Variants in COL27A1 observed in about 807,000 individuals in gnomAD.
COL27A1 encodes collagen type XXVII alpha 1 chain.
In COL27A1, 106 loss-of-function variants were observed where a neutral mutation model predicts 251.3. That is an observed-to-expected ratio of 0.42 (90% CI 0.36 to 0.50). The LOEUF is 0.50. COL27A1 is among the 20% of genes least tolerant of loss of function. The probability of loss-of-function intolerance (pLI) is 0.00; values close to 1 mark genes in which losing one functional copy is unlikely to be tolerated. For synonymous variants in COL27A1, 1,000 were observed against 986.3 expected (o/e 1.01, Z -0.26); for missense variants, 2,325 against 2,522.8 (o/e 0.92, Z 1.68).
intron 11 of COL27A1, 98 bp downstream of exon 11, chr9:114,209,826 T>G (rs1830222837): frequency 8.4e-7 from 1 of 1,196,380 alleles, no homozygotes; most frequent in African/African-American, 1.5e-5. Context: ...AAGGAATTCC[T>G]CCTGGAGGAG....
intron 16 of COL27A1, among the ~76,000 whole-genome samples, chr9:114,233,495 A>C (rs1431018802): frequency 6.6e-6 from 1 of 152,116 alleles, no homozygotes; most frequent in Non-Finnish European, 1.5e-5. Context: ...CCCTCTTTGA[A>C]GGGGCTTTCT....
chr9:114,223,232 C>T (rs1467358156), intron 14 of COL27A1, among the ~76,000 whole-genome samples: 1 of 152,188 alleles, frequency 6.6e-6, no homozygotes, highest in East Asian at 1.9e-4. Flanking sequence ...GGTCATTCCT[C>T]ATGGGGTTTG....
intron 49 of COL27A1, among the ~76,000 whole-genome samples, chr9:114,296,547 A>T (rs969268444): frequency 2.6e-5 from 4 of 152,360 alleles, no homozygotes; most frequent in Non-Finnish European, 5.9e-5. Flanking sequence ...TTAAAAGACT[A>T]ACCATACCAA....
chr9:114,301,448 T>C lies in COL27A1; in HGVS notation c.4795T>C (p.Leu1599=), dbSNP rs1386392461. The change falls in exon 54 of 61, where the codon TTG becomes CTG. Residue 1599 remains leucine (L), a synonymous_variant. Transcript: ENST00000356083. The part of the protein sequence containing the change: ...GDKGSRGDWG[L]QGPRGPPGPR... ...CCCTGCTTCTGTCTCCCTCCAGGGA[T>C]TGCAAGGTCCGAGGGTGAGTGGGCT... 1 of 1,611,652 alleles carries C rather than the reference T, an allele frequency of 6.2e-7. No individual in the cohort carries two copies. Among genetic ancestry groups the C allele is most frequent in the South Asian group, 1.1e-5 (1 of 90,974 alleles).
In COL27A1 at chr9:114,283,980, G is replaced by A. The variant is rs563357839; in HGVS notation, c.3933+218G>A. On this transcript the variant is annotated intron_variant, in intron 40 of 60. Coordinates refer to ENST00000356083, the MANE Select transcript of COL27A1 (RefSeq NM_032888.4). ...CAGGTGTGGTTGGGGCTGCCAGAGC[G>A]AAATGTGCCACCCCAAGCCTTCTTG... Among the ~76,000 whole-genome samples, 423 of 152,356 alleles carry A rather than the reference G, an allele frequency of 2.8e-3. 3 individuals carry two copies. Among genetic ancestry groups the A allele is most frequent in the African/African-American group, 9.4e-3 (392 of 41,584 alleles).
At position 114,244,163 on chromosome 9, in the gene COL27A1, G is replaced by A. The variant is rs11790295; in HGVS notation, c.2934+603G>A. Among the ~76,000 whole-genome samples, 1,285 of 152,006 alleles carry A rather than the reference G, an allele frequency of 8.5e-3. 11 individuals carry two copies. The highest frequency in any genetic ancestry group is 0.017 in the Admixed American group (262 of 15,254). On this transcript the variant is annotated intron_variant, in intron 23 of 60. Transcript: ENST00000356083. ...GGTGCAGTGGCTCACACCTGTAATC[G>A]CAGCACTTTGGGAAGCTAAGGCAGG...
intron 13 of COL27A1, among the ~76,000 whole-genome samples, chr9:114,221,652 G>C (rs1419339638): frequency 2.0e-5 from 3 of 152,174 alleles, no homozygotes; most frequent in Non-Finnish European, 4.4e-5. Flanking sequence ...CACACACACA[G>C]CCTCGTCTCC....
At chr9:114,192,850 A>T (rs1383410349) in intron 5 of COL27A1, among the ~76,000 whole-genome samples, 1 of 152,178 alleles carries the variant, frequency 6.6e-6, no homozygotes, top group Non-Finnish European at 1.5e-5. Flanking sequence ...TGTCTGGTGG[A>T]GGGTGACCGA....
intron 12 of COL27A1, among the ~76,000 whole-genome samples, chr9:114,212,027 C>G (rs1300862520): frequency 1.3e-5 from 2 of 152,246 alleles, no homozygotes; most frequent in Non-Finnish European, 2.9e-5. Flanking sequence ...GCTTCTGCCA[C>G]TGATGGGCAT....
intron 4 of COL27A1, among the ~76,000 whole-genome samples, chr9:114,180,272 T>C (rs1827801547): frequency 6.6e-6 from 1 of 152,226 alleles, no homozygotes; most frequent in Non-Finnish European, 1.5e-5. Flanking sequence ...CTGGAGGTGC[T>C]GGGCAAATGA....
intron 28 of COL27A1, among the ~76,000 whole-genome samples, chr9:114,260,072 T>G (rs549502959): frequency 6.6e-6 from 1 of 152,158 alleles, no homozygotes; most frequent in African/African-American, 2.4e-5. Context: ...CCTCCCCTCC[T>G]GCCCCAGGAA....
intron 4 of COL27A1, among the ~76,000 whole-genome samples, chr9:114,181,424 T>G (rs1453813796): frequency 6.6e-6 from 1 of 151,976 alleles, no homozygotes; most frequent in African/African-American, 2.4e-5. Flanking sequence ...GGGAGGTGCC[T>G]TGGTTGGAAT....
At chr9:114,241,567 G>A (rs1185968167) in intron 21 of COL27A1, among the ~76,000 whole-genome samples, 1 of 152,200 alleles carries the variant, frequency 6.6e-6, no homozygotes, top group African/African-American at 2.4e-5. Context: ...AAGGGGAGAG[G>A]AGGGAACGGC....
intron 24 of COL27A1, among the ~76,000 whole-genome samples, chr9:114,246,501 A>G (rs774904533): frequency 6.6e-6 from 1 of 152,204 alleles, no homozygotes; most frequent in Admixed American, 6.5e-5. Context: ...GACAGCTTCA[A>G]TCCTTCCTGC....
intron 4 of COL27A1, among the ~76,000 whole-genome samples, chr9:114,181,077 A>G (rs1431819): frequency 0.74 from 113,166 of 152,028 alleles, 42,621 homozygotes; most frequent in East Asian, 0.96. Flanking sequence ...TAGACCCCAC[A>G]AGCCTGGGCT....
chr9:114,192,518 C>T (rs1828815420), intron 5 of COL27A1, among the ~76,000 whole-genome samples: 1 of 152,104 alleles, frequency 6.6e-6, no homozygotes, highest in Admixed American at 6.5e-5. Context: ...GTTCTGGGGA[C>T]CTTCAGCCTG....
intron 36 of COL27A1, 40 bp from the exon 37 acceptor site, chr9:114,275,621 A>T: frequency 7.2e-7 from 1 of 1,387,752 alleles, no homozygotes; most frequent in Non-Finnish European, 9.9e-7. Context: ...CAACTAACTT[A>T]TTCTCTCTCT....
intron 3 of COL27A1, among the ~76,000 whole-genome samples, chr9:114,170,678 G>A (rs1463431736): frequency 6.6e-6 from 1 of 152,244 alleles, no homozygotes; most frequent in African/African-American, 2.4e-5. Context: ...TATGGAAACT[G>A]TATGCATTGC....
intron 17 of COL27A1, 65 bp downstream of exon 17, chr9:114,235,717 G>A: frequency 8.1e-7 from 1 of 1,233,864 alleles, no homozygotes; most frequent in South Asian, 1.2e-5. Context: ...CCTGGTCTTG[G>A]CTTCCTTCCT....
Sources: allele counts gnomAD v4.1 joint callset (sites outside exome capture counted in the v4.1 genomes callset), GRCh38; gene constraint gnomAD v4.1.1; transcripts MANE v1.5; gene names NCBI Gene and HGNC (gene_info 2026-07-23, HGNC 2026-07-21).